WWP2: variants seen among roughly 807,000 people sequenced by gnomAD.
WWP2 encodes the protein NEDD4-like E3 ubiquitin-protein ligase WWP2.
WWP2 carries 57 observed loss-of-function variants against 121.0 expected under a neutral mutation model. The observed-to-expected ratio is 0.47, with a 90% CI of 0.38 to 0.59. The LOEUF is 0.59. WWP2 is among the 20% of genes least tolerant of loss of function. The pLI, the probability that WWP2 is intolerant of heterozygous loss-of-function variation, is 0.00. For synonymous variants in WWP2, 449 were observed against 441.3 expected (o/e 1.02, Z -0.22); for missense variants, 962 against 1,158.9 (o/e 0.83, Z 2.47).
intron 11 of WWP2, among the ~76,000 whole-genome samples, chr16:69,927,607 G>A (rs1398419571): frequency 6.6e-6 from 1 of 152,318 alleles, no homozygotes; most frequent in Non-Finnish European, 1.5e-5. Flanking sequence ...CCTCAAGCCC[G>A]CTGGACAGAT....
rs2057272862 is a variant in WWP2, at chr16:69,854,423, G to A, written c.575+12303G>A. On this transcript the variant is annotated intron_variant, in intron 6 of 23. Coordinates refer to ENST00000359154, the MANE Select transcript of WWP2 (RefSeq NM_001270454.2). ...TGGATGGCTCCTTTTAAAGTGCCAA[G>A]GTCTGTGGAGGTGGTGATTTGGGGT... Among the ~76,000 whole-genome samples the A allele has an allele frequency of 2.0e-5, 3 of 152,178 alleles. No individual in the cohort carries two copies. The South Asian group carries it at 6.2e-4, about 31-fold the overall frequency.
rs369794570 is a variant in WWP2, at chr16:69,774,238, C to T, written c.-16+11847C>T. 2.9e-4 allele frequency among the ~76,000 whole-genome samples: 44 copies of T among 152,170 alleles called. 1 individual carries two copies. The East Asian group carries it at 8.1e-3, about 28-fold the overall frequency. On this transcript the variant is annotated intron_variant, in intron 1 of 23. Coordinates refer to ENST00000359154, the MANE Select transcript of WWP2 (RefSeq NM_001270454.2). Reference sequence around the variant, plus strand: ...TTGGCCTCTTTCCTTCCTTGTATTCCCCAGACATGCTGTCACCTCAACAGC... The same window carrying T: ...TTGGCCTCTTTCCTTCCTTGTATTCTCCAGACATGCTGTCACCTCAACAGC...
At chr16:69,866,769 A>G (rs1276393775) in intron 6 of WWP2, among the ~76,000 whole-genome samples, 1 of 151,780 alleles carries the variant, frequency 6.6e-6, no homozygotes, top group Non-Finnish European at 1.5e-5. Context: ...GCGTGTGCAA[A>G]TATCTCTCCT....
At chr16:69,788,529 C>G (rs2055840508) in intron 2 of WWP2, among the ~76,000 whole-genome samples, 1 of 152,190 alleles carries the variant, frequency 6.6e-6, no homozygotes, top group Non-Finnish European at 1.5e-5. Flanking sequence ...GCCTCTGGGC[C>G]TTTGCACTTG....
At chr16:69,899,077 G>C (rs2058154767) in intron 8 of WWP2, among the ~76,000 whole-genome samples, 1 of 152,208 alleles carries the variant, frequency 6.6e-6, no homozygotes, top group African/African-American at 2.4e-5. Flanking sequence ...TTTGCTCCCA[G>C]TCTGTGGCTT....
intron 8 of WWP2, among the ~76,000 whole-genome samples, chr16:69,905,150 G>A (rs1169578470): frequency 6.6e-6 from 1 of 152,220 alleles, no homozygotes; most frequent in African/African-American, 2.4e-5. Flanking sequence ...CACACTGCTT[G>A]GCAGCGCTCT....
At chr16:69,812,416 C>G (rs1278038322) in intron 4 of WWP2, among the ~76,000 whole-genome samples, 1 of 150,662 alleles carries the variant, frequency 6.6e-6, no homozygotes, top group Admixed American at 6.6e-5. Flanking sequence ...CTGCCCGCCT[C>G]GGCCTCCCAA....
At chr16:69,784,923 G>GTTT (rs879492533) in intron 1 of WWP2, among the ~76,000 whole-genome samples, 2 of 144,346 alleles carry the variant, frequency 1.4e-5, no homozygotes, top group Admixed American at 7.0e-5. Flanking sequence ...TAAAATATGA[G>GTTT]TTTTTTTTTT....
intron 4 of WWP2, among the ~76,000 whole-genome samples, chr16:69,826,723 C>G (rs906649949): frequency 3.7e-5 from 5 of 136,380 alleles, no homozygotes; most frequent in African/African-American, 1.1e-4. Context: ...AATAAAAATA[C>G]AAAAAAAAAA....
In WWP2 at chr16:69,937,794, C is replaced by G; in HGVS notation, c.2343+142C>G. ...CACCTTGCAAAAGGAGACGATAGACCAGCCTTGGGATGAACGGGGACAGTT... is the reference window on the plus strand; with the variant it reads ...CACCTTGCAAAAGGAGACGATAGACGAGCCTTGGGATGAACGGGGACAGTT... On this transcript the variant is annotated intron_variant, in intron 21 of 23. Transcript: ENST00000359154. This position sits in a 1 kb window ranked among gnomAD's most constrained non-coding sequence, Gnocchi z 6.6. 1.3e-6 allele frequency: 1 copy of G among 741,882 alleles called. No individual in the cohort carries two copies. The highest frequency in any genetic ancestry group is 2.2e-6 in the Non-Finnish European group (1 of 454,042). The allele number at this position is 741,882 out of a possible 1,614,324, so 46.0% of individuals were successfully genotyped here.
intron 16 of WWP2, chr16:69,933,005 T>A: frequency 2.1e-6 from 1 of 474,144 alleles, no homozygotes; most frequent in South Asian, 1.5e-5. Flanking sequence ...GCCCCGTGGA[T>A]GGATGTTCCT....
chr16:69,905,960 C>T (rs1380706098), intron 8 of WWP2, among the ~76,000 whole-genome samples: 1 of 152,202 alleles, frequency 6.6e-6, no homozygotes, highest in Non-Finnish European at 1.5e-5. Flanking sequence ...GGATTGCATA[C>T]ATGGTGTTAG....
Position 69,871,878 on chromosome 16 carries a change from G to T in WWP2, c.650G>T (p.Arg217Leu), listed in dbSNP as rs1374545787. ...GAGCAAAGCCCCGGTGCTCGGAGCC[G>T]GCACCGCCAGCCCGTCAAGAACTCA... is the stretch of plus-strand genomic sequence containing the variant. Reference protein sequence around the residue: ...TGEQSPGARSRHRQPVKNSGH... With the variant: ...TGEQSPGARSLHRQPVKNSGH... Residue 217 changes from arginine (R) to leucine (L), a missense_variant, in exon 7 of 24, where the codon CGG becomes CTG. Arg to Leu is a moderately radical substitution (Grantham distance 102). Transcript: ENST00000359154. The T allele has an allele frequency of 6.2e-7, 1 of 1,614,052 alleles. No individual in the cohort carries two copies.
At chr16:69,766,639 T>G (rs2038736784) in intron 1 of WWP2, among the ~76,000 whole-genome samples, 1 of 152,176 alleles carries the variant, frequency 6.6e-6, no homozygotes, top group South Asian at 2.1e-4. Flanking sequence ...ATTTGGGGCT[T>G]TTGAACTCTG....
chr16:69,814,803 TGACA>T (rs1290456050), intron 4 of WWP2, among the ~76,000 whole-genome samples: 1 of 152,128 alleles, frequency 6.6e-6, no homozygotes, highest in Admixed American at 6.6e-5. Flanking sequence ...CAGCTGTACC[TGACA>T]GACAGTGTAC....
rs572594283 is a variant in WWP2, at chr16:69,895,476, A to G, written c.914+7227A>G. Reference sequence around the variant, plus strand: ...ATTACAGCAATGTCAGATCGGTACAAAAGTTCCTAAAGTGGGCCAGGCTCA... The same window carrying G: ...ATTACAGCAATGTCAGATCGGTACAGAAGTTCCTAAAGTGGGCCAGGCTCA... On this transcript the variant is annotated intron_variant, in intron 8 of 23. Transcript: ENST00000359154. 3.3e-5 allele frequency among the ~76,000 whole-genome samples: 5 copies of G among 152,348 alleles called. No individual in the cohort carries two copies. The South Asian group carries it at 1.0e-3, about 32-fold the overall frequency.
rs1407750561 is a variant in WWP2 at position 69,922,468 on chromosome 16, G to A, written c.1180-2962G>A. On this transcript the variant is annotated intron_variant, in intron 10 of 23. Transcript: ENST00000359154. ...TCTCCCAACCCAGGGACCATTACCC[G>A]GGAAGAGGATTCCACAGTGTTCTTT... is the stretch of plus-strand genomic sequence containing the variant. Among the ~76,000 whole-genome samples, 5 of 152,158 alleles carry A rather than the reference G, an allele frequency of 3.3e-5. No individual in the cohort carries two copies. In the South Asian group the frequency reaches 6.2e-4, roughly 19 times the overall value.
At chr16:69,876,308 T>C (rs1395637563) in intron 7 of WWP2, among the ~76,000 whole-genome samples, 1 of 151,984 alleles carries the variant, frequency 6.6e-6, no homozygotes, top group Admixed American at 6.6e-5. Context: ...AAGGCAGTTA[T>C]AGCCTTATAA....
chr16:69,930,241 C>G lies in WWP2; in HGVS notation c.1428C>G (p.Arg476=), dbSNP rs965273865. The stretch of plus-strand genomic sequence containing the variant: ...GCACCACCACCTTTAAGGATCCTCG[C>G]CCGGGGTTTGAGTCGGGGTAAGGAC... The part of the protein sequence containing the change: ...NTRTTTFKDP[R]PGFESGTKQG... The change falls in exon 13 of 24, where the codon CGC becomes CGG. Residue 476 remains arginine (R), a synonymous_variant. Coordinates refer to ENST00000359154, the MANE Select transcript of WWP2 (RefSeq NM_001270454.2). 6.2e-7 allele frequency: 1 copy of G among 1,613,860 alleles called. No homozygotes were observed. Among genetic ancestry groups the G allele is most frequent in the Admixed American group, 1.7e-5 (1 of 59,966 alleles).
Sources: gnomAD v4.1 joint callset for allele counts (sites outside exome capture counted in the v4.1 genomes callset) on GRCh38, gnomAD v4.1.1 for gene constraint, Gnocchi (gnomAD v3.1) non-coding constraint, MANE v1.5 for transcripts, NCBI Gene and HGNC (gene_info 2026-07-23, HGNC 2026-07-21) for gene names.